SMAP1: variants seen among roughly 807,000 people sequenced by gnomAD.
SMAP1 encodes the protein stromal membrane-associated protein 1.
SMAP1 carries 24 observed loss-of-function variants against 58.5 expected under a neutral mutation model. That is an observed-to-expected ratio of 0.41 (90% CI 0.30 to 0.58). SMAP1 has a LOEUF of 0.58. Ranked by LOEUF, SMAP1 falls within the 20% of genes least tolerant of loss-of-function variation. The pLI is 0.29. For synonymous variants in SMAP1, 216 were observed against 196.6 expected (o/e 1.10, Z -0.82); for missense variants, 563 against 566.3 (o/e 0.99, Z 0.06).
At chr6:70,802,543 T>C (rs1303986084) in intron 6 of SMAP1, among the ~76,000 whole-genome samples, 1 of 152,192 alleles carries the variant, frequency 6.6e-6, no homozygotes, top group Non-Finnish European at 1.5e-5. Context: ...TCCAACACTG[T>C]TGAATAGGAG....
chr6:70,732,690 G>T (rs1362328934), intron 2 of SMAP1, among the ~76,000 whole-genome samples, 179 bp downstream of exon 2: 1 of 152,152 alleles, frequency 6.6e-6, no homozygotes, highest in Non-Finnish European at 1.5e-5. Flanking sequence ...TTCATTTTGT[G>T]TCTATAGTAA....
chr6:70,773,333 A>T lies in SMAP1; in HGVS notation c.339-17A>T. On this transcript the variant is annotated splice_polypyrimidine_tract_variant and intron_variant, in intron 3 of 10. Coordinates refer to ENST00000370455, the MANE Select transcript of SMAP1 (RefSeq NM_001044305.3). ...TATCACTGAATTCATGCTTTTCCTT[A>T]AGTTATCTGTTTTCAGAGCAGTGGA... The T allele has an allele frequency of 6.7e-7, 1 of 1,485,680 alleles. No individual in the cohort carries two copies. Among genetic ancestry groups the T allele is most frequent in the Non-Finnish European group, 9.3e-7 (1 of 1,074,894 alleles). The allele number at this position is 1,485,680 out of a possible 1,614,324, so 92.0% of individuals were successfully genotyped here. A position where few individuals can be genotyped will look rare whatever the true frequency, so the allele number is the denominator to read the frequency against.
intron 1 of SMAP1, among the ~76,000 whole-genome samples, chr6:70,722,173 A>G (rs1160815489): frequency 6.6e-6 from 1 of 152,252 alleles, no homozygotes; most frequent in Non-Finnish European, 1.5e-5. Context: ...TTAGATTGAA[A>G]TTAGAGTATT....
chr6:70,860,134 G>A, intron 10 of SMAP1, 66 bp from the exon 11 acceptor site: 1 of 1,499,876 alleles, frequency 6.7e-7, no homozygotes, highest in Non-Finnish European at 8.9e-7. Flanking sequence ...CCAACTGTGT[G>A]GCTAAAGAAA....
At chr6:70,748,694 G>T (rs369426799) in intron 2 of SMAP1, among the ~76,000 whole-genome samples, 5 of 151,930 alleles carry the variant, frequency 3.3e-5, no homozygotes, top group East Asian at 1.9e-4. Context: ...GATTACTATA[G>T]CCCCTTCTAA....
intron 1 of SMAP1, among the ~76,000 whole-genome samples, chr6:70,688,829 A>C (rs1767039244): frequency 6.6e-6 from 1 of 152,154 alleles, no homozygotes; most frequent in South Asian, 2.1e-4. Flanking sequence ...ATTTTTAGCA[A>C]GTCTAAGTAC....
intron 6 of SMAP1, among the ~76,000 whole-genome samples, chr6:70,827,723 C>T (rs111674890): frequency 7.2e-5 from 11 of 152,158 alleles, no homozygotes; most frequent in South Asian, 2.1e-4. Context: ...AAGGCTGCTC[C>T]GACTTCTGCA....
chr6:70,809,794 C>T (rs1272976867), intron 6 of SMAP1, among the ~76,000 whole-genome samples: 1 of 152,102 alleles, frequency 6.6e-6, no homozygotes, highest in Non-Finnish European at 1.5e-5. Flanking sequence ...TTATATTTTC[C>T]TCAAATCTTT....
chr6:70,680,268 C>G (rs1766645930), intron 1 of SMAP1, among the ~76,000 whole-genome samples: 1 of 152,070 alleles, frequency 6.6e-6, no homozygotes, highest in Non-Finnish European at 1.5e-5. Context: ...TCTCTGGGAC[C>G]TTGAATTAAG....
chr6:70,784,399 A>G (rs7452292), intron 4 of SMAP1, among the ~76,000 whole-genome samples: 2,222 of 148,736 alleles, frequency 0.015, 15 homozygotes, highest in Middle Eastern at 0.037. Flanking sequence ...ATCAACTAAC[A>G]AGCAAAATAA....
At chr6:70,764,336 C>T (rs995023963) in intron 3 of SMAP1, among the ~76,000 whole-genome samples, 3 of 152,184 alleles carry the variant, frequency 2.0e-5, no homozygotes, top group African/African-American at 4.8e-5. Flanking sequence ...AACACATTTT[C>T]AGTGGAGACT....
chr6:70,859,580 T>C, intron 10 of SMAP1: 1 of 440,488 alleles, frequency 2.3e-6, no homozygotes, highest in South Asian at 4.9e-5. Context: ...ATGGTAAATC[T>C]TGCCTTTCCT....
intron 2 of SMAP1, among the ~76,000 whole-genome samples, chr6:70,752,505 G>A (rs2149886513): frequency 6.6e-6 from 1 of 152,286 alleles, no homozygotes; most frequent in African/African-American, 2.4e-5. Context: ...TATAGGTAAA[G>A]TGTTGAGGCT....
At chr6:70,857,176 G>A (rs1166985838) in intron 9 of SMAP1, 146 bp downstream of exon 9, 1 of 714,108 alleles carries the variant, frequency 1.4e-6, no homozygotes, top group Non-Finnish European at 2.1e-6. Context: ...AAGCCGAAAT[G>A]AATGAGCATT....
intron 1 of SMAP1, among the ~76,000 whole-genome samples, chr6:70,678,106 T>C (rs1216852692): frequency 6.6e-6 from 1 of 152,252 alleles, no homozygotes; most frequent in Admixed American, 6.5e-5. Context: ...TGTTTACATA[T>C]ATTTTGAGTG....
chr6:70,670,813 A>T (rs1766232503), intron 1 of SMAP1, among the ~76,000 whole-genome samples: 1 of 152,228 alleles, frequency 6.6e-6, no homozygotes, highest in Admixed American at 6.5e-5. Context: ...ATCTTGCCTT[A>T]TCATAGTTGG....
At chr6:70,722,901 A>G (rs1014790242) in intron 1 of SMAP1, among the ~76,000 whole-genome samples, 10 of 152,188 alleles carry the variant, frequency 6.6e-5, no homozygotes, top group Admixed American at 1.3e-4. Flanking sequence ...CATCACGAAC[A>G]TGTCACAGTG....
At chr6:70,774,539 A>T (rs1363974223) in intron 4 of SMAP1, among the ~76,000 whole-genome samples, 1 of 152,134 alleles carries the variant, frequency 6.6e-6, no homozygotes, top group African/African-American at 2.4e-5. Flanking sequence ...AAGTTAGGAT[A>T]TTTTAATATG....
intron 1 of SMAP1, among the ~76,000 whole-genome samples, chr6:70,721,624 CTG>C (rs1250871609): frequency 6.6e-6 from 1 of 152,076 alleles, no homozygotes; most frequent in Non-Finnish European, 1.5e-5. Context: ...TACCAATTTA[CTG>C]TATTAATCTG....
Sources: gnomAD v4.1 joint callset for allele counts (sites outside exome capture counted in the v4.1 genomes callset) on GRCh38, gnomAD v4.1.1 for gene constraint, MANE v1.5 for transcripts, NCBI Gene and HGNC (gene_info 2026-07-23, HGNC 2026-07-21) for gene names.